APOB: variants seen among roughly 807,000 people sequenced by gnomAD.
APOB encodes apolipoprotein B-100.
A neutral mutation model predicts 314.1 loss-of-function variants in APOB; 153 were observed. The ratio of observed to expected loss-of-function variants is 0.49; its 90% CI spans 0.43 to 0.56. The LOEUF (loss-of-function observed/expected upper bound fraction) is 0.56. APOB is among the 20% of genes least tolerant of loss of function. The pLI is 0.00. For synonymous variants in APOB, 2,087 were observed against 2,036.4 expected (o/e 1.02, Z -0.67); for missense variants, 5,430 against 5,350.7 (o/e 1.01, Z -0.46).
At position 21,007,015 on chromosome 2, in the gene APOB, T is replaced by TG; in HGVS notation, c.9852dup (p.Ile3285HisfsTer5). 1 of 1,613,994 alleles carries TG rather than the reference T, an allele frequency of 6.2e-7. No individual in the cohort carries two copies. The highest frequency in any genetic ancestry group is 8.5e-7 in the Non-Finnish European group (1 of 1,179,928). ...GGCACACGGACGTCAGAACCTAGGA[T>TG]GGAGAAACTAGGCATGCTGACTGCT... On this transcript the variant is annotated frameshift_variant, in exon 26 of 29. Coordinates refer to ENST00000233242, the MANE Select transcript of APOB (RefSeq NM_000384.3). LOFTEE classifies it high-confidence loss of function.
rs1393956366 is a variant in APOB, at chr2:21,007,026, G to T, written c.9842C>A (p.Pro3281His). ...GTCAGAACCTAGGATGGAGAAACTAGGCATGCTGACTGCTTTTGGGAACAC... is the reference window on the plus strand; with the variant it reads ...GTCAGAACCTAGGATGGAGAAACTATGCATGCTGACTGCTTTTGGGAACAC... ...GYVFPKAVSM[P>H]SFSILGSDVR... Residue 3281 changes from proline (P) to histidine (H), a missense_variant, in exon 26 of 29, where the codon CCT becomes CAT. Physicochemically the swap from Pro to His is moderately conservative, Grantham distance 77. Coordinates refer to ENST00000233242, the MANE Select transcript of APOB (RefSeq NM_000384.3). 5.0e-6 allele frequency: 8 copies of T among 1,613,868 alleles called. No individual in the cohort carries two copies. The highest frequency in any genetic ancestry group is 6.8e-6 in the Non-Finnish European group (8 of 1,179,974).
Position 21,028,459 on chromosome 2 carries a change from A to G in APOB, c.1697T>C (p.Met566Thr). 2 of 1,614,094 alleles carry G rather than the reference A, an allele frequency of 1.2e-6. No individual in the cohort carries two copies. Among genetic ancestry groups the G allele is most frequent in the Middle Eastern group, 3.3e-4 (2 of 6,062 alleles). The change falls in exon 13 of 29, where the codon ATG (methionine) becomes ACG (threonine). Residue 566 changes from methionine to threonine, a missense_variant. Met to Thr is a moderately conservative substitution (Grantham distance 81). Coordinates refer to ENST00000233242, the MANE Select transcript of APOB (RefSeq NM_000384.3). Reference protein sequence around the residue: ...DKRLAAYLMLMRSPSQADINK... With the variant: ...DKRLAAYLMLTRSPSQADINK... ...AATATCTGCCTGTGAAGGACTCCTCATCAACATAAGATAGGCAGCCAGTCG... is the reference window on the plus strand; with the variant it reads ...AATATCTGCCTGTGAAGGACTCCTCGTCAACATAAGATAGGCAGCCAGTCG...
At chr2:21,034,707 G>A (rs562045043) in intron 8 of APOB, 109 bp downstream of exon 8, 2 of 778,424 alleles carry the variant, frequency 2.6e-6, no homozygotes, top group South Asian at 2.7e-5. Context: ...ACCAGTGTCT[G>A]TATCACTTGT....
chr2:21,007,450 T>G lies in APOB; in HGVS notation c.9418A>C (p.Thr3140Pro), dbSNP rs1437638424. The G allele has an allele frequency of 6.2e-7, 1 of 1,614,114 alleles. No homozygotes were observed. The highest frequency in any genetic ancestry group is 2.2e-5 in the East Asian group (1 of 44,884). The change falls in exon 26 of 29, where the codon ACA becomes CCA. Residue 3140 changes from threonine to proline, a missense_variant. This residue lies in a region of APOB where 3,281 missense variants were observed against 3,171.0 expected (regional missense o/e 1.03). Coordinates refer to ENST00000233242, the MANE Select transcript of APOB (RefSeq NM_000384.3). Reference protein sequence around the residue: ...LTIPEMRLPYTIITTPPLKDF... With the variant: ...LTIPEMRLPYPIITTPPLKDF... Reference sequence around the variant, plus strand: ...TTCAGTGGAGGAGTTGTGATTATTGTGTAAGGTAGACGCATTTCAGGAATT... The same window carrying G: ...TTCAGTGGAGGAGTTGTGATTATTGGGTAAGGTAGACGCATTTCAGGAATT...
intron 18 of APOB, among the ~76,000 whole-genome samples, chr2:21,020,750 G>A (rs540949955): frequency 6.6e-6 from 1 of 152,322 alleles, no homozygotes; most frequent in South Asian, 2.1e-4. Flanking sequence ...GTTTCTCCAA[G>A]TTGGGGGTGC....
At chr2:21,035,992 A>G (rs757176606) in intron 6 of APOB, among the ~76,000 whole-genome samples, 12 of 152,166 alleles carry the variant, frequency 7.9e-5, no homozygotes, top group Non-Finnish European at 1.3e-4. Context: ...ACACCTGCTC[A>G]GTAACTTTTC....
At position 21,001,739 on chromosome 2, in the gene APOB, G is replaced by A. The variant is rs1460215471; in HGVS notation, c.13683C>T (p.Ile4561=). 1 of 1,613,618 alleles carries A rather than the reference G, an allele frequency of 6.2e-7. No individual in the cohort carries two copies. Among genetic ancestry groups the A allele is most frequent in the African/African-American group, 1.3e-5 (1 of 74,924 alleles). ...GATTTCTTTTAAAAAATTAGAGGAT[G>A]ATAGTAAGTTCTCCTGGAGCAAGCT... ...YMKLAPGELT[I]IL is the part of the protein sequence containing the mutation. The change falls in exon 29 of 29, where the codon ATC becomes ATT. Residue 4561 remains isoleucine, a synonymous_variant. Transcript: ENST00000233242.
chr2:21,026,528 A>G (rs185799849), intron 15 of APOB, among the ~76,000 whole-genome samples: 18 of 152,064 alleles, frequency 1.2e-4, no homozygotes, highest in East Asian at 5.8e-4. Flanking sequence ...GATTACAGGC[A>G]TGAACCACCA....
intron 6 of APOB, 67 bp downstream of exon 6, chr2:21,037,033 A>C: frequency 6.2e-7 from 1 of 1,603,992 alleles, no homozygotes; most frequent in Non-Finnish European, 8.5e-7. Context: ...CTAGCTCAAA[A>C]GTTCTGGAAT....
chr2:21,031,826 G>A (rs1310617565), intron 10 of APOB, among the ~76,000 whole-genome samples: 1 of 151,824 alleles, frequency 6.6e-6, no homozygotes, highest in Non-Finnish European at 1.5e-5. Context: ...CTCCAGCCTG[G>A]GTGACACAGT....
chr2:21,025,223 TAAA>T, intron 15 of APOB, 99 bp from the exon 16 acceptor site: 2 of 1,189,910 alleles, frequency 1.7e-6, no homozygotes, highest in South Asian at 2.5e-5. Context: ...AGGATGGGCC[TAAA>T]AAATGCTCCA....
chr2:21,016,286 CAA>C (rs1026076659), intron 21 of APOB, among the ~76,000 whole-genome samples, 151 bp downstream of exon 21: 3 of 133,400 alleles, frequency 2.2e-5, no homozygotes, highest in Non-Finnish European at 3.3e-5. Context: ...GACTCCATCT[CAA>C]AAAAAAAAAA....
intron 24 of APOB, among the ~76,000 whole-genome samples, chr2:21,014,001 A>G (rs745756847): frequency 2.4e-4 from 37 of 152,226 alleles, no homozygotes; most frequent in Admixed American, 4.6e-4. Flanking sequence ...AATTGAGACA[A>G]CTTGATTTGT....
chr2:21,028,946 G>A (rs555859240), intron 12 of APOB, among the ~76,000 whole-genome samples: 43 of 152,280 alleles, frequency 2.8e-4, no homozygotes, highest in African/African-American at 9.4e-4. Flanking sequence ...CCTAAGAGGG[G>A]GCCAAGTTGG....
rs760312985 is a variant in APOB, at chr2:21,006,765, G to A, written c.10103C>T (p.Ser3368Phe). The A allele has an allele frequency of 1.9e-6, 3 of 1,614,084 alleles. No individual in the cohort carries two copies. The highest frequency in any genetic ancestry group is 3.3e-5 in the Admixed American group (2 of 60,010). Residue 3368 changes from serine to phenylalanine, a missense_variant, in exon 26 of 29, where the codon TCT (serine) becomes TTT (phenylalanine). Ser to Phe is a radical substitution (Grantham distance 155, BLOSUM62 -2). This residue lies in a region of APOB where 3,281 missense variants were observed against 3,171.0 expected (regional missense o/e 1.03). Transcript: ENST00000233242. Reference protein sequence around the residue: ...NQSDIVAHLLSSSSSVIDALQ... With the variant: ...NQSDIVAHLLFSSSSVIDALQ... ...TGCATCAATGACAGATGAAGATGAA[G>A]AAAGGAGATGAGCAACAATATCTGA...
Position 21,010,890 on chromosome 2 carries a change from C to A in APOB, c.5978G>T (p.Ser1993Ile), listed in dbSNP as rs950087934. Residue 1993 changes from serine (S) to isoleucine (I), a missense_variant, in exon 26 of 29, where the codon AGC becomes ATC. Physicochemically the swap from Ser to Ile is moderately radical, Grantham distance 142. Around this residue, in one of 3 missense-constraint regions of APOB, gnomAD observed 3,281 missense variants for 3,171.0 expected, o/e 1.03. Transcript: ENST00000233242. ...AGTGTTGTAAGCATCCAAGTCCTGG[C>A]TGTATTCATTGTTGTTAAATTGGGT... Reference protein sequence around the residue: ...LKTQFNNNEYSQDLDAYNTKD... With the variant: ...LKTQFNNNEYIQDLDAYNTKD... 1.2e-6 allele frequency: 2 copies of A among 1,613,968 alleles called. No individual in the cohort carries two copies. The highest frequency in any genetic ancestry group is 8.5e-7 in the Non-Finnish European group (1 of 1,180,022).
intron 7 of APOB, 44 bp from the exon 8 acceptor site, chr2:21,034,945 T>C: frequency 1.0e-6 from 1 of 953,898 alleles, no homozygotes; most frequent in Non-Finnish European, 1.7e-6. Flanking sequence ...GGCCAGAACA[T>C]ACTATTCTTT....
Position 21,033,304 on chromosome 2 carries a change from C to A in APOB, c.1119G>T (p.Val373=). ...VTSLLPQLIE[V]SSPITLQALV... ...GAGCTGTAACCATTAGATACCTGGA[C>A]ACCTCAATCAGCTGTGGCAAGAGAG... The change falls in exon 9 of 29, where the codon GTG becomes GTT. Residue 373 remains valine (V), a synonymous_variant. Transcript: ENST00000233242. 1 of 1,613,282 alleles carries A rather than the reference C, an allele frequency of 6.2e-7. No individual in the cohort carries two copies. The highest frequency in any genetic ancestry group is 8.5e-7 in the Non-Finnish European group (1 of 1,179,194).
rs1246400480 is a variant in APOB, at chr2:21,028,058, T to G, written c.1837A>C (p.Lys613Gln). 9 of 1,599,434 alleles carry G rather than the reference T, an allele frequency of 5.6e-6. No homozygotes were observed. The highest frequency in any genetic ancestry group is 7.7e-6 in the Non-Finnish European group (9 of 1,166,810). The stretch of plus-strand genomic sequence containing the variant: ...TCTTTCAGAGCTTCTTTCACTAACT[T>G]TTTCAGACTAGATAAGAAGAAGTAT... ...SEELDIQDLK[K>Q]LVKEALKESQ... The change falls in exon 14 of 29, where the codon AAG (lysine) becomes CAG (glutamine). Residue 613 changes from lysine to glutamine, a missense_variant. Lys to Gln is a moderately conservative substitution (Grantham distance 53). Transcript: ENST00000233242.
Sources: allele counts gnomAD v4.1 joint callset (sites outside exome capture counted in the v4.1 genomes callset), GRCh38; gene constraint gnomAD v4.1.1; regional missense constraint gnomAD v4.1.1; transcripts MANE v1.5; gene names NCBI Gene and HGNC (gene_info 2026-07-23, HGNC 2026-07-21).